Variants in ELOVL7 observed in about 807,000 individuals in gnomAD.
ELOVL7 encodes ELOVL fatty acid elongase 7.
ELOVL7 carries 27 observed loss-of-function variants against 35.7 expected under a neutral mutation model. That is an observed-to-expected ratio of 0.76 (90% confidence interval 0.56 to 1.04). The LOEUF is 1.04. ELOVL7 is among the 50% of genes least tolerant of loss of function. The pLI, the probability that ELOVL7 is intolerant of heterozygous loss-of-function variation, is 0.00. For synonymous variants in ELOVL7, 113 were observed against 114.6 expected (o/e 0.99, Z 0.09); for missense variants, 327 against 340.8 (o/e 0.96, Z 0.32).
At chr5:60,756,414 C>T (rs1741542721) in intron 8 of ELOVL7, among the ~76,000 whole-genome samples, 1 of 151,962 alleles carries the variant, frequency 6.6e-6, no homozygotes, top group Non-Finnish European at 1.5e-5. Context: ...GGTGTTCTCA[C>T]GTATTTGCAA....
chr5:60,796,961 T>C (rs1386999992), intron 2 of ELOVL7, among the ~76,000 whole-genome samples: 7 of 152,164 alleles, frequency 4.6e-5, no homozygotes, highest in Non-Finnish European at 7.3e-5. Context: ...ACTTGGGAAA[T>C]GTTTGGGGCT....
chr5:60,837,312 G>GAGT (rs1442827769), intron 1 of ELOVL7, among the ~76,000 whole-genome samples: 2 of 107,890 alleles, frequency 1.9e-5, no homozygotes, highest in African/African-American at 7.8e-5. Context: ...TAGGGCGGGG[G>GAGT]GGTGGGGGGG....
chr5:60,781,297 G>A (rs2112216913), intron 3 of ELOVL7, among the ~76,000 whole-genome samples: 1 of 152,048 alleles, frequency 6.6e-6, no homozygotes, highest in South Asian at 2.1e-4. Context: ...CATGGTGGGA[G>A]TTTAGTTGAC....
rs761475311 is a variant in ELOVL7 at position 60,767,897 on chromosome 5, T to A, written c.262A>T (p.Met88Leu). ...FSVYMCYEFVMSGWGIGYSFR... is the reference protein window; with the variant it reads ...FSVYMCYEFVLSGWGIGYSFR... ...GAATAACCTATACCCCAGCCAGACA[T>A]CACAAACTGCAAGAGAGCACATGCA... The change falls in exon 5 of 9, where the codon ATG (methionine) becomes TTG (leucine). Residue 88 changes from methionine (M) to leucine (L), a missense_variant. Met to Leu is a conservative substitution (Grantham distance 15). Coordinates refer to ENST00000508821, the MANE Select transcript of ELOVL7 (RefSeq NM_024930.3). 6.2e-7 allele frequency: 1 copy of A among 1,613,404 alleles called. No homozygotes were observed. The highest frequency in any genetic ancestry group is 8.5e-7 in the Non-Finnish European group (1 of 1,179,468).
intron 1 of ELOVL7, among the ~76,000 whole-genome samples, chr5:60,807,184 G>T (rs548875628): frequency 6.6e-6 from 1 of 152,152 alleles, no homozygotes; most frequent in South Asian, 2.1e-4. Flanking sequence ...TCTCCAGGTG[G>T]TGAATGGTAC....
intron 3 of ELOVL7, among the ~76,000 whole-genome samples, chr5:60,783,534 A>T (rs956192447): frequency 1.3e-5 from 2 of 152,160 alleles, no homozygotes; most frequent in African/African-American, 4.8e-5. Flanking sequence ...TGACAGTTAA[A>T]GTTAATTCTG....
intron 1 of ELOVL7, among the ~76,000 whole-genome samples, chr5:60,841,443 T>A (rs7717909): frequency 0.84 from 128,028 of 152,230 alleles, 54,366 homozygotes; most frequent in African/African-American, 0.96. Flanking sequence ...TCAGTGGGTC[T>A]GAACTCTCTT....
chr5:60,785,958 A>G (rs1385006286), intron 3 of ELOVL7: 1 of 152,172 alleles, frequency 6.6e-6, no homozygotes, highest in Non-Finnish European at 1.5e-5. Flanking sequence ...TGTAAATTTG[A>G]CTATAATTTC....
intron 8 of ELOVL7, among the ~76,000 whole-genome samples, chr5:60,756,543 G>A (rs1741550738): frequency 6.6e-6 from 1 of 152,076 alleles, no homozygotes; most frequent in Non-Finnish European, 1.5e-5. Context: ...ATATCCTTAT[G>A]ATTGGTCATT....
At chr5:60,790,219 T>C (rs1157579819) in intron 2 of ELOVL7, among the ~76,000 whole-genome samples, 3 of 152,144 alleles carry the variant, frequency 2.0e-5, no homozygotes, top group African/African-American at 7.2e-5. Flanking sequence ...AAAAGTCTTA[T>C]GAATATAATT....
chr5:60,772,067 T>C lies in ELOVL7; in HGVS notation c.91A>G (p.Met31Val), dbSNP rs1342063562. Residue 31 changes from methionine (M) to valine (V), a missense_variant, in exon 4 of 9, where the codon ATG becomes GTG. Physicochemically the swap from Met to Val is conservative, Grantham distance 21. Coordinates refer to ENST00000508821, the MANE Select transcript of ELOVL7 (RefSeq NM_024930.3). ...ATGGTTTGTGGCAGAGGCGAGGACA[T>C]GAGGAGCCAATCTTCAACTCTTGGA... is the stretch of plus-strand genomic sequence containing the variant. ...ADPRVEDWLL[M>V]SSPLPQTILL... 1 of 1,610,872 alleles carries C rather than the reference T, an allele frequency of 6.2e-7. No individual in the cohort carries two copies. Among genetic ancestry groups the C allele is most frequent in the Non-Finnish European group, 8.5e-7 (1 of 1,178,476 alleles).
chr5:60,832,513 C>T lies in ELOVL7; in HGVS notation c.-86+11647G>A, dbSNP rs1258550530. 2.0e-5 allele frequency among the ~76,000 whole-genome samples: 3 copies of T among 152,054 alleles called. No homozygotes were observed. In the South Asian group the frequency reaches 6.2e-4, roughly 32 times the overall value. On this transcript the variant is annotated intron_variant, in intron 1 of 8. Transcript: ENST00000508821. ...CCCAAGTTGCTGGGACTACAGGCAC[C>T]CACCACCACACCTAGCTAATTTTTG... is the stretch of plus-strand genomic sequence containing the variant.
At chr5:60,758,656 G>GA (rs1429363336) in intron 7 of ELOVL7, among the ~76,000 whole-genome samples, 2 of 152,266 alleles carry the variant, frequency 1.3e-5, no homozygotes, top group East Asian at 1.9e-4. Flanking sequence ...GGGAATGTAA[G>GA]AAAAAATCAT....
At chr5:60,792,812 A>C (rs1213245280) in intron 2 of ELOVL7, among the ~76,000 whole-genome samples, 2 of 152,242 alleles carry the variant, frequency 1.3e-5, no homozygotes, top group African/African-American at 4.8e-5. Flanking sequence ...AGAAGTTCAG[A>C]CCTGGTGATG....
chr5:60,782,057 G>A (rs895419140), intron 3 of ELOVL7, among the ~76,000 whole-genome samples: 4 of 152,124 alleles, frequency 2.6e-5, no homozygotes, highest in African/African-American at 9.7e-5. Context: ...CCTAGGACAC[G>A]GTTTCTATGC....
At chr5:60,800,778 TC>T (rs34873171) in intron 1 of ELOVL7, among the ~76,000 whole-genome samples, 30,769 of 152,110 alleles carry the variant, frequency 0.2, 3,649 homozygotes, top group Non-Finnish European at 0.27. Flanking sequence ...ATAGTAGTCT[TC>T]CCTCCATATT....
rs1741304321 is a variant in ELOVL7 at position 60,751,919 on chromosome 5, C to T, written c.*2705G>A. The T allele has an allele frequency of 1.3e-5, 2 of 152,042 alleles. No individual in the cohort carries two copies. Among genetic ancestry groups the T allele is most frequent in the East Asian group, 1.9e-4 (1 of 5,190 alleles). 9.4% of individuals were successfully genotyped at this position (152,042 alleles called of 1,614,324 possible). ...AAGGGTAATGGAAAGAATATAATCT[C>T]GTAATTTTATACTTAAGGCTGTAAA... is the stretch of plus-strand genomic sequence containing the variant. On this transcript the variant is annotated 3_prime_UTR_variant, in exon 9 of 9. Transcript: ENST00000508821.
chr5:60,831,843 G>A (rs530526556), intron 1 of ELOVL7, among the ~76,000 whole-genome samples: 103 of 152,086 alleles, frequency 6.8e-4, no homozygotes, highest in South Asian at 3.7e-3. Flanking sequence ...TATAAGCTCC[G>A]GGCTAACTGT....
chr5:60,790,042 C>T (rs1579844116), intron 2 of ELOVL7, among the ~76,000 whole-genome samples: 1 of 152,022 alleles, frequency 6.6e-6, no homozygotes, highest in Admixed American at 6.6e-5. Context: ...GAGGCTGAGG[C>T]AGGGGAATCG....
Sources: gnomAD v4.1 joint callset for allele counts (sites outside exome capture counted in the v4.1 genomes callset) on GRCh38, gnomAD v4.1.1 for gene constraint, MANE v1.5 for transcripts, NCBI Gene and HGNC (gene_info 2026-07-23, HGNC 2026-07-21) for gene names.